CCDC7: variants seen among roughly 807,000 people sequenced by gnomAD.
CCDC7 encodes coiled-coil domain containing 7, also known as coiled-coil domain-containing protein 7.
CCDC7 carries 183 observed loss-of-function variants against 196.9 expected under a neutral mutation model. The observed-to-expected ratio is 0.93, with a 90% CI of 0.82 to 1.05. The LOEUF (loss-of-function observed/expected upper bound fraction) is 1.05. CCDC7 is among the 50% of genes least tolerant of loss of function. The pLI is 0.00. For synonymous variants in CCDC7, 525 were observed against 484.6 expected, an observed-to-expected ratio of 1.08 and a Z score of -1.10; for missense variants, 1,540 against 1,482.2, an observed-to-expected ratio of 1.04 and a Z score of -0.64.
intron 28 of CCDC7, among the ~76,000 whole-genome samples, chr10:32,749,881 A>G (rs2075391857): frequency 6.6e-6 from 1 of 152,178 alleles, no homozygotes; most frequent in South Asian, 2.1e-4. Flanking sequence ...TTAGGTCAAG[A>G]AATAGAGTTC....
intron 8 of CCDC7, among the ~76,000 whole-genome samples, chr10:32,474,909 G>A (rs186305927): frequency 8.5e-4 from 129 of 152,268 alleles, no homozygotes; most frequent in Middle Eastern, 3.4e-3. Flanking sequence ...TGGGAATTCT[G>A]CCCTCTTTCA....
At chr10:32,520,724 G>C (rs538522415) in intron 11 of CCDC7, among the ~76,000 whole-genome samples, 1 of 151,904 alleles carries the variant, frequency 6.6e-6, no homozygotes, top group Non-Finnish European at 1.5e-5. Context: ...TTTTTAACTT[G>C]GTGTTATCCC....
intron 18 of CCDC7, among the ~76,000 whole-genome samples, chr10:32,630,683 A>G (rs1211650546): frequency 6.6e-6 from 1 of 152,210 alleles, no homozygotes; most frequent in Non-Finnish European, 1.5e-5. Flanking sequence ...TATTTAAAGA[A>G]TATTTTATTT....
At chr10:32,824,435 T>G in intron 31 of CCDC7, 83 bp from the exon 33 acceptor site, 1 of 750,564 alleles carries the variant, frequency 1.3e-6, no homozygotes, top group Non-Finnish European at 2.2e-6. Flanking sequence ...GAATATTAAT[T>G]ATGATAGTAT....
chr10:32,702,463 G>C lies in CCDC7; in HGVS notation c.2458+7471G>C, dbSNP rs2078924295. The stretch of plus-strand genomic sequence containing the variant: ...AACTATGTGGTCAATTTTCGAATAG[G>C]TGTGGTGTGATGCTGAGAAGAATGT... On this transcript the variant is annotated intron_variant, in intron 24 of 41. Coordinates refer to ENST00000639629, the Ensembl canonical transcript of CCDC7. Among the ~76,000 whole-genome samples the C allele has an allele frequency of 2.0e-5, 3 of 152,284 alleles. No individual in the cohort carries two copies. In the South Asian group the frequency reaches 6.2e-4, roughly 32 times the overall value.
intron 28 of CCDC7, among the ~76,000 whole-genome samples, chr10:32,767,229 A>G (rs1383013788): frequency 1.3e-5 from 2 of 152,044 alleles, no homozygotes; most frequent in African/African-American, 2.4e-5. Flanking sequence ...TATGCACACC[A>G]TATTACTTTT....
intron 32 of CCDC7, 140 bp from the exon 34 acceptor site, chr10:32,834,675 T>G (rs1167713615): frequency 1.5e-5 from 5 of 340,500 alleles, no homozygotes; most frequent in Non-Finnish European, 2.7e-5. Context: ...TTTTTTTTAC[T>G]AATTCATCTT....
In CCDC7 at chr10:32,644,481, A is replaced by G. The variant is rs145263636; in HGVS notation, c.2014+9323A>G. On this transcript the variant is annotated intron_variant, in intron 20 of 41. Transcript: ENST00000639629. ...TCTTGCCTGGCTTGTTTTACTTGAC[A>G]TAATATTCCTCTAGGTTCATCCATG... Among the ~76,000 whole-genome samples, 906 of 152,304 alleles carry G rather than the reference A, an allele frequency of 5.9e-3. 10 individuals carry two copies. Among genetic ancestry groups the G allele is most frequent in the African/African-American group, 0.021 (865 of 41,552 alleles).
intron 5 of CCDC7, among the ~76,000 whole-genome samples, chr10:32,469,838 T>G (rs2037588108): frequency 6.6e-6 from 1 of 152,162 alleles, no homozygotes; most frequent in South Asian, 2.1e-4. Context: ...CCTCTTCTAG[T>G]GCCTCTTCAG....
At chr10:32,484,302 G>C (rs1416982021) in intron 8 of CCDC7, among the ~76,000 whole-genome samples, 1 of 148,162 alleles carries the variant, frequency 6.7e-6, no homozygotes. Context: ...CTGTTTGTCT[G>C]TTATTGGTAT....
chr10:32,454,696 T>C (rs2033918793), intron 2 of CCDC7, among the ~76,000 whole-genome samples: 1 of 152,160 alleles, frequency 6.6e-6, no homozygotes, highest in African/African-American at 2.4e-5. Flanking sequence ...TTTTACTGAA[T>C]TTCTTTCCTC....
chr10:32,811,745 C>A (rs2087168289), intron 30 of CCDC7, among the ~76,000 whole-genome samples: 1 of 151,886 alleles, frequency 6.6e-6, no homozygotes, highest in Non-Finnish European at 1.5e-5. Flanking sequence ...ACTCTGATAC[C>A]AAAACCAGAC....
intron 9 of CCDC7, chr10:32,511,502 T>C (rs2046198517): frequency 6.2e-7 from 1 of 1,603,368 alleles, no homozygotes; most frequent in African/African-American, 1.3e-5. Flanking sequence ...TACTGGATGT[T>C]CCTTAGGATT....
At chr10:32,845,271 T>A (rs922328369) in exon 34 of CCDC7, 1 of 1,574,390 alleles carries the variant, frequency 6.4e-7, no homozygotes, top group Non-Finnish European at 8.6e-7. Context: ...TAGCAGATGA[T>A]ACTGGAAGAG....
chr10:32,796,754 T>C (rs1333779660), intron 29 of CCDC7, among the ~76,000 whole-genome samples: 10 of 152,168 alleles, frequency 6.6e-5, no homozygotes, highest in Admixed American at 6.5e-4. Flanking sequence ...TGAAGAAGAA[T>C]AAATAAAATG....
chr10:32,684,664 T>C (rs1394808230), intron 21 of CCDC7, among the ~76,000 whole-genome samples: 1 of 152,244 alleles, frequency 6.6e-6, no homozygotes, highest in African/African-American at 2.4e-5. Context: ...TTCTCTCCTG[T>C]GAAAGCAGTT....
chr10:32,700,112 G>C (rs532014681), intron 24 of CCDC7, among the ~76,000 whole-genome samples: 2 of 149,586 alleles, frequency 1.3e-5, no homozygotes, highest in South Asian at 4.1e-4. Flanking sequence ...TGGTGTTTTA[G>C]ACATGAAGTC....
In CCDC7 at chr10:32,769,901, T is replaced by A. The variant is rs148174611; in HGVS notation, c.2906-9076T>A. Among the ~76,000 whole-genome samples, 1,205 of 152,348 alleles carry A rather than the reference T, an allele frequency of 7.9e-3. 7 individuals carry two copies. The highest frequency in any genetic ancestry group is 0.02 in the Middle Eastern group (6 of 294). On this transcript the variant is annotated intron_variant, in intron 28 of 41. Transcript: ENST00000639629. Reference sequence around the variant, plus strand: ...ATCATTGATGGGCATTTGGGTTTGTTCCTAGTCTTTGCTATTGTGAATAGT... The same window carrying A: ...ATCATTGATGGGCATTTGGGTTTGTACCTAGTCTTTGCTATTGTGAATAGT...
At chr10:32,880,498 G>T (rs113369475), downstream of CCDC7, among the ~76,000 whole-genome samples, 9 of 152,004 alleles carry the variant, frequency 5.9e-5, no homozygotes, top group African/African-American at 1.7e-4. Flanking sequence ...TAGGTTGTCC[G>T]TTCACTCTGA....
Sources: allele counts gnomAD v4.1 joint callset (sites outside exome capture counted in the v4.1 genomes callset), GRCh38; gene constraint gnomAD v4.1.1; transcripts MANE v1.5; gene names NCBI Gene and HGNC (gene_info 2026-07-23, HGNC 2026-07-21).